CPED1: variants seen among roughly 807,000 people sequenced by gnomAD.
The protein encoded by CPED1 is cadherin-like and PC-esterase domain-containing protein 1.
In CPED1, 114 loss-of-function variants were observed where a neutral mutation model predicts 128.2. The ratio of observed to expected loss-of-function variants is 0.89; its 90% CI spans 0.76 to 1.04. The LOEUF is 1.04. Ranked by LOEUF, CPED1 falls within the 50% of genes least tolerant of loss-of-function variation. CPED1 has a pLI of 0.00. For missense variants in CPED1, 1,211 were observed against 1,207.1 expected (o/e 1.00, Z -0.05); for synonymous variants, 462 against 426.7 (o/e 1.08, Z -1.02).
intron 16 of CPED1, among the ~76,000 whole-genome samples, chr7:121,234,141 C>T (rs1262827029): frequency 1.3e-5 from 2 of 149,992 alleles, no homozygotes; most frequent in Admixed American, 6.7e-5. Context: ...GGGCACATTA[C>T]TCCAACAAAA....
At chr7:121,148,944 T>C (rs1183768818) in intron 16 of CPED1, among the ~76,000 whole-genome samples, 1 of 152,214 alleles carries the variant, frequency 6.6e-6, no homozygotes, top group Non-Finnish European at 1.5e-5. Context: ...CTGTATGCAC[T>C]GTGGCTGCTG....
Position 121,046,961 on chromosome 7 carries a change from G to T in CPED1, c.508G>T (p.Glu170Ter), listed in dbSNP as rs1410851314. The T allele has an allele frequency of 2.5e-6, 4 of 1,612,634 alleles. No individual in the cohort carries two copies. The South Asian group carries it at 3.3e-5, about 13-fold the overall frequency. Reference protein sequence around the residue: ...KAEGTPCISKEVMCQLGLHQK... With the variant: ...KAEGTPCISK ...AGAAGGAACACCCTGTATATCCAAG[G>T]AAGTCATGTGCCAGTTAGGTTTACA... Residue 170 changes from glutamate (E) to a stop codon, truncating the protein, a stop_gained, in exon 4 of 23, where the codon GAA (glutamate) becomes TAA (stop). Coordinates refer to ENST00000310396, the MANE Select transcript of CPED1 (RefSeq NM_024913.5). LOFTEE classifies it high-confidence loss of function.
chr7:121,273,074 G>A (rs1170845145), intron 22 of CPED1, among the ~76,000 whole-genome samples: 1 of 151,980 alleles, frequency 6.6e-6, no homozygotes, highest in Non-Finnish European at 1.5e-5. Flanking sequence ...GAGATGAATA[G>A]TGCCTCATTT....
intron 22 of CPED1, among the ~76,000 whole-genome samples, chr7:121,292,307 G>A (rs930798558): frequency 6.0e-5 from 9 of 150,932 alleles, no homozygotes; most frequent in South Asian, 4.2e-4. Context: ...TGATTGATTC[G>A]GTTATTGATA....
intron 18 of CPED1, among the ~76,000 whole-genome samples, chr7:121,249,163 G>C (rs554793741): frequency 6.6e-6 from 1 of 152,148 alleles, no homozygotes; most frequent in African/African-American, 2.4e-5. Context: ...AAAACTCCAA[G>C]AAATATGAGA....
At chr7:121,057,932 G>A (rs1489138508) in intron 4 of CPED1, among the ~76,000 whole-genome samples, 1 of 152,156 alleles carries the variant, frequency 6.6e-6, no homozygotes, top group Non-Finnish European at 1.5e-5. Context: ...GGGGGATTGA[G>A]TTTAAGATCA....
intron 18 of CPED1, among the ~76,000 whole-genome samples, chr7:121,252,619 C>A (rs1584633295): frequency 2.6e-5 from 4 of 151,190 alleles, no homozygotes; most frequent in Non-Finnish European, 5.9e-5. Flanking sequence ...ACAAATTTAC[C>A]AGAAAAAAAC....
At chr7:121,199,150 G>T (rs540422326) in intron 16 of CPED1, among the ~76,000 whole-genome samples, 2 of 152,016 alleles carry the variant, frequency 1.3e-5, no homozygotes, top group South Asian at 4.1e-4. Flanking sequence ...ATAACAAGGG[G>T]TCTTAGATCA....
At chr7:121,152,794 T>A (rs529787880) in intron 16 of CPED1, among the ~76,000 whole-genome samples, 1 of 152,334 alleles carries the variant, frequency 6.6e-6, no homozygotes, top group East Asian at 1.9e-4. Context: ...TAAATTTAAG[T>A]TTAGATTTAA....
intron 4 of CPED1, chr7:121,050,728 T>G: frequency 2.3e-6 from 1 of 441,230 alleles, no homozygotes; most frequent in Non-Finnish European, 4.6e-6. Flanking sequence ...CCTCCCAAAG[T>G]GCTGGGATTA....
chr7:121,128,425 A>G lies in CPED1; in HGVS notation c.1346A>G (p.Glu449Gly), dbSNP rs1795562331. 4 of 1,604,936 alleles carry G rather than the reference A, an allele frequency of 2.5e-6. No homozygotes were observed. The African/African-American group carries it at 4.0e-5, about 16-fold the overall frequency. Residue 449 changes from glutamate to glycine, a missense_variant, in exon 11 of 23, where the codon GAA (glutamate) becomes GGA (glycine). Transcript: ENST00000310396. ...QKELNQCLSL[E>G]EINSIMTFIK... ...GAACTAAATCAGTGTCTGTCCTTAG[A>G]AGAAATTAACTCAATTATGACTTTC...
chr7:120,997,495 T>C (rs889705479), intron 2 of CPED1, among the ~76,000 whole-genome samples: 1 of 152,182 alleles, frequency 6.6e-6, no homozygotes, highest in Non-Finnish European at 1.5e-5. Context: ...CCTGAAAAGA[T>C]ATGTTGAAGC....
chr7:121,287,062 GAAAC>G, intron 22 of CPED1, among the ~76,000 whole-genome samples: 4 of 152,104 alleles, frequency 2.6e-5, no homozygotes, highest in African/African-American at 9.7e-5. Flanking sequence ...CAGCATGGAG[GAAAC>G]CACCTCCCCG....
intron 8 of CPED1, 27 bp downstream of exon 8, chr7:121,124,500 A>G (rs762832898): frequency 5.7e-6 from 8 of 1,406,200 alleles, no homozygotes; most frequent in South Asian, 4.7e-5. Flanking sequence ...AATTTAAAAA[A>G]AAAAGAAAAG....
At chr7:121,007,950 C>T (rs773970992) in intron 2 of CPED1, among the ~76,000 whole-genome samples, 5 of 144,254 alleles carry the variant, frequency 3.5e-5, no homozygotes, top group Non-Finnish European at 7.6e-5. Context: ...GGTTTAGTGA[C>T]TCAGGTTACT....
In CPED1 at chr7:121,241,305, G is replaced by A. The variant is rs1362569116; in HGVS notation, c.2174-2897G>A. Among the ~76,000 whole-genome samples, 60 of 34,170 alleles carry A rather than the reference G, an allele frequency of 1.8e-3. 2 individuals carry two copies. The highest frequency in any genetic ancestry group is 7.2e-3 in the African/African-American group (57 of 7,916). The allele number at this position is 34,170 out of a possible 152,430, so 22.4% of individuals were successfully genotyped here. A position where few individuals can be genotyped will look rare whatever the true frequency, so the allele number is the denominator to read the frequency against. On this transcript the variant is annotated intron_variant, in intron 17 of 22. Transcript: ENST00000310396. ...GGAGCTTGCAGTGAGCCGAGATCCCGCCACTGCACTCCAGCCTGGGCGACA... is the reference window on the plus strand; with the variant it reads ...GGAGCTTGCAGTGAGCCGAGATCCCACCACTGCACTCCAGCCTGGGCGACA...
intron 16 of CPED1, among the ~76,000 whole-genome samples, chr7:121,211,193 A>G (rs1797632791): frequency 6.6e-6 from 1 of 152,032 alleles, no homozygotes; most frequent in African/African-American, 2.4e-5. Flanking sequence ...ATAAAAAATA[A>G]TGACCAACCT....
intron 18 of CPED1, among the ~76,000 whole-genome samples, chr7:121,253,365 TGAC>T (rs1395321899): frequency 6.7e-6 from 1 of 150,116 alleles, no homozygotes; most frequent in East Asian, 2.0e-4. Flanking sequence ...TAATTCTAAA[TGAC>T]GAGTTAATGG....
chr7:121,230,501 C>G (rs1798110843), intron 16 of CPED1, among the ~76,000 whole-genome samples: 1 of 152,040 alleles, frequency 6.6e-6, no homozygotes, highest in African/African-American at 2.4e-5. Flanking sequence ...ACATTTGCAG[C>G]AGATCAAGAA....
Sources: gnomAD v4.1 joint callset for allele counts (sites outside exome capture counted in the v4.1 genomes callset) on GRCh38, gnomAD v4.1.1 for gene constraint, MANE v1.5 for transcripts, NCBI Gene and HGNC (gene_info 2026-07-23, HGNC 2026-07-21) for gene names.